RPTOR: variants seen among roughly 807,000 people sequenced by gnomAD.
RPTOR encodes regulatory associated protein of MTOR complex 1, also known as regulatory-associated protein of mTOR.
A neutral mutation model predicts 169.9 loss-of-function variants in RPTOR; 21 were observed. That is an observed-to-expected ratio of 0.12 (90% CI 0.09 to 0.18). The LOEUF is 0.18. Ranked by LOEUF, RPTOR falls within the 10% of genes least tolerant of loss-of-function variation. The pLI, the probability that RPTOR is intolerant of heterozygous loss-of-function variation, is 1.00. For missense variants in RPTOR, 1,133 were observed against 1,855.9 expected (o/e 0.61, Z 7.16); for synonymous variants, 732 against 753.2 (o/e 0.97, Z 0.46).
At chr17:80,961,623 A>T in intron 31 of RPTOR, 143 bp downstream of exon 31, 1 of 975,286 alleles carries the variant, frequency 1.0e-6, no homozygotes, top group Non-Finnish European at 1.5e-6. Context: ...AACTGGCCAG[A>T]AAGATCAGGC....
intron 6 of RPTOR, 147 bp from the exon 7 acceptor site, chr17:80,791,303 G>C: frequency 1.6e-6 from 1 of 613,760 alleles, no homozygotes; most frequent in Non-Finnish European, 2.8e-6. Context: ...AAATCTAAAA[G>C]CTGCCGAATT....
chr17:80,776,476 A>G (rs1482831975), intron 6 of RPTOR, among the ~76,000 whole-genome samples: 2 of 151,990 alleles, frequency 1.3e-5, no homozygotes, highest in African/African-American at 4.8e-5. Context: ...GGTGTGCACC[A>G]CAATGCCCAA....
intron 3 of RPTOR, among the ~76,000 whole-genome samples, chr17:80,700,732 GATGGTGGTGGTGGTGGTGGTGA>G: frequency 3.4e-5 from 3 of 89,060 alleles, no homozygotes; most frequent in Non-Finnish European, 4.9e-5. Context: ...TGGTGGTGAT[GATGGTGGTGGTGGTGGTGGTGA>G]TGATGGTGAT....
chr17:80,680,821 G>T (rs9894241), intron 3 of RPTOR, among the ~76,000 whole-genome samples: 13,496 of 152,114 alleles, frequency 0.089, 661 homozygotes, highest in African/African-American at 0.13. Flanking sequence ...CCGAGGCAAA[G>T]ATCCGCGTAT....
chr17:80,922,948 T>A, intron 22 of RPTOR, 121 bp downstream of exon 22: 1 of 782,166 alleles, frequency 1.3e-6, no homozygotes, highest in Non-Finnish European at 2.0e-6. Context: ...CTTCGTCTCC[T>A]CCCCCCTCTC....
At chr17:80,851,606 C>T (rs1345812475) in intron 11 of RPTOR, among the ~76,000 whole-genome samples, 3 of 152,250 alleles carry the variant, frequency 2.0e-5, no homozygotes, top group Non-Finnish European at 4.4e-5. Flanking sequence ...CAAGGACCTC[C>T]GACGCCGACT....
chr17:80,846,627 A>G, intron 11 of RPTOR, 53 bp downstream of exon 11: 1 of 1,497,226 alleles, frequency 6.7e-7, no homozygotes, highest in Non-Finnish European at 9.3e-7. Context: ...GAAGGAAGCC[A>G]GATGCCTGTA....
rs546361820 is a variant in RPTOR at position 80,770,909 on chromosome 17, C to T, written c.830+16724C>T. 1.9e-4 allele frequency among the ~76,000 whole-genome samples: 29 copies of T among 152,356 alleles called. No individual in the cohort carries two copies. The South Asian group carries it at 5.6e-3, about 29-fold the overall frequency. On this transcript the variant is annotated intron_variant, in intron 6 of 33. Coordinates refer to ENST00000306801, the MANE Select transcript of RPTOR (RefSeq NM_020761.3). ...CCCCTTAGACAGAGTGTCTGGTTTG[C>T]GCTGCTGTCACCACTCAGCTTCTCC...
At chr17:80,908,707 C>G in intron 20 of RPTOR, 104 bp from the exon 21 acceptor site, 2 of 795,534 alleles carry the variant, frequency 2.5e-6, no homozygotes, top group Admixed American at 4.4e-5. Context: ...CTCTTTAAAG[C>G]AACACTTCTG....
intron 13 of RPTOR, among the ~76,000 whole-genome samples, chr17:80,872,071 T>G (rs561435895): frequency 6.6e-6 from 1 of 152,312 alleles, no homozygotes; most frequent in Non-Finnish European, 1.5e-5. Context: ...AACTAGAGGT[T>G]GTGATATGCA....
chr17:80,646,949 G>A lies in RPTOR; in HGVS notation c.348+3139G>A, dbSNP rs1599632491. Among the ~76,000 whole-genome samples the A allele has an allele frequency of 6.6e-6, 1 of 152,150 alleles. No individual in the cohort carries two copies. Among genetic ancestry groups the A allele is most frequent in the Non-Finnish European group, 1.5e-5 (1 of 68,010 alleles). On this transcript the variant is annotated intron_variant, in intron 3 of 33. Coordinates refer to ENST00000306801, the MANE Select transcript of RPTOR (RefSeq NM_020761.3). The surrounding 1 kb of genome is among the most constrained non-coding windows in gnomAD (Gnocchi z 5.0). ...GCAGAAAGCCAACCCCGGAACCCCC[G>A]TCGGCTGCACCAGAATGGTGTCTGG...
intron 3 of RPTOR, among the ~76,000 whole-genome samples, chr17:80,685,628 T>TATATATATATATA (rs1491347361): frequency 1.1e-3 from 25 of 22,650 alleles, no homozygotes; most frequent in East Asian, 3.3e-3. Context: ...TATATATATA[T>TATATATATATATA]TTTTTTTTTT....
intron 1 of RPTOR, among the ~76,000 whole-genome samples, chr17:80,568,110 T>G (rs574300970): frequency 6.6e-6 from 1 of 152,172 alleles, no homozygotes; most frequent in East Asian, 1.9e-4. Context: ...GATCTTGCCA[T>G]GTTGACCAGG....
At chr17:80,580,472 C>T (rs892696855) in intron 1 of RPTOR, among the ~76,000 whole-genome samples, 1 of 152,180 alleles carries the variant, frequency 6.6e-6, no homozygotes, top group African/African-American at 2.4e-5. Context: ...TAAGTAGACG[C>T]TTGACCGTTT....
intron 24 of RPTOR, among the ~76,000 whole-genome samples, chr17:80,928,229 C>T (rs1249712573): frequency 6.6e-6 from 1 of 151,792 alleles, no homozygotes; most frequent in Non-Finnish European, 1.5e-5. Context: ...GGAAGCAGGA[C>T]GTGTTTTCTC....
chr17:80,925,049 C>A (rs982358539), intron 23 of RPTOR, among the ~76,000 whole-genome samples: 5 of 152,212 alleles, frequency 3.3e-5, no homozygotes, highest in African/African-American at 1.2e-4. Flanking sequence ...GGTTGATAAA[C>A]CAGCACACAT....
At chr17:80,888,768 A>G (rs1160054215) in intron 17 of RPTOR, among the ~76,000 whole-genome samples, 1 of 152,162 alleles carries the variant, frequency 6.6e-6, no homozygotes, top group East Asian at 1.9e-4. Flanking sequence ...CTGGGGCCTC[A>G]GTGACCCCGC....
At chr17:80,920,479 CATCTT>C (rs761556084) in intron 21 of RPTOR, among the ~76,000 whole-genome samples, 59 of 152,226 alleles carry the variant, frequency 3.9e-4, no homozygotes, top group Admixed American at 1.3e-4. Context: ...AGGATGGTCT[CATCTT>C]ATAACCCCAG....
chr17:80,595,662 G>T (rs2065139420), intron 1 of RPTOR, among the ~76,000 whole-genome samples: 1 of 152,164 alleles, frequency 6.6e-6, no homozygotes. Context: ...TCTCTGTGTT[G>T]CCCAGGCTGG....
Sources: gnomAD v4.1 joint callset for allele counts (sites outside exome capture counted in the v4.1 genomes callset) on GRCh38, gnomAD v4.1.1 for gene constraint, Gnocchi (gnomAD v3.1) non-coding constraint, MANE v1.5 for transcripts, NCBI Gene and HGNC (gene_info 2026-07-23, HGNC 2026-07-21) for gene names.